Variants in SLC35F3 observed in about 807,000 individuals in gnomAD.
SLC35F3 encodes the protein putative thiamine transporter SLC35F3.
SLC35F3 carries 25 observed loss-of-function variants against 49.9 expected under a neutral mutation model. That is an observed-to-expected ratio of 0.50 (90% confidence interval 0.37 to 0.70). The LOEUF (loss-of-function observed/expected upper bound fraction) is 0.70. SLC35F3 is among the 30% of genes least tolerant of loss of function. The pLI is 0.00. For missense variants in SLC35F3, 525 were observed against 639.8 expected (o/e 0.82, Z 1.94); for synonymous variants, 275 against 265.4 (o/e 1.04, Z -0.35).
chr1:233,971,772 A>G (rs1401029529), intron 2 of SLC35F3, among the ~76,000 whole-genome samples: 1 of 151,830 alleles, frequency 6.6e-6, no homozygotes, highest in African/African-American at 2.4e-5. Context: ...CTTGTGGTCA[A>G]CAATGGGACC....
At chr1:234,170,869 C>T (rs552323965) in intron 2 of SLC35F3, among the ~76,000 whole-genome samples, 11 of 152,288 alleles carry the variant, frequency 7.2e-5, no homozygotes, top group East Asian at 3.9e-4. Flanking sequence ...GCCGTGGGGA[C>T]AGTCGGCCCC....
At chr1:234,206,450 C>A (rs902758223) in intron 2 of SLC35F3, among the ~76,000 whole-genome samples, 1 of 137,646 alleles carries the variant, frequency 7.3e-6, no homozygotes, top group East Asian at 2.2e-4. Flanking sequence ...GCAGGACTTT[C>A]CTGGTTCCTG....
chr1:234,001,745 A>T (rs990282775), intron 2 of SLC35F3, among the ~76,000 whole-genome samples: 25 of 152,330 alleles, frequency 1.6e-4, no homozygotes, highest in African/African-American at 5.8e-4. Context: ...AGCAAGGAAG[A>T]GGGCAAAACC....
In SLC35F3 at chr1:234,026,296, G is replaced by A. The variant is rs1459932589; in HGVS notation, c.283+120538G>A. Among the ~76,000 whole-genome samples, 3 of 152,134 alleles carry A rather than the reference G, an allele frequency of 2.0e-5. No homozygotes were observed. In the East Asian group the frequency reaches 5.8e-4, roughly 29 times the overall value. ...GCTATTTGGGCTCTTCTTTGGTTCA[G>A]TATGAATTTTAGAATAGTTTTTTAT... On this transcript the variant is annotated intron_variant, in intron 2 of 7. Transcript: ENST00000366618.
At chr1:234,292,287 A>G (rs564242586) in intron 3 of SLC35F3, among the ~76,000 whole-genome samples, 7 of 152,294 alleles carry the variant, frequency 4.6e-5, no homozygotes, top group African/African-American at 1.7e-4. Flanking sequence ...GTGGCCCTCT[A>G]CAGATCAGCA....
intron 2 of SLC35F3, among the ~76,000 whole-genome samples, chr1:234,103,049 A>G (rs953310090): frequency 3.3e-5 from 5 of 152,220 alleles, no homozygotes; most frequent in African/African-American, 1.2e-4. Context: ...ACCATAAAAT[A>G]TGTGTATAAG....
intron 2 of SLC35F3, among the ~76,000 whole-genome samples, chr1:234,202,537 G>A (rs1666914267): frequency 6.6e-6 from 1 of 152,258 alleles, no homozygotes; most frequent in Admixed American, 6.5e-5. Context: ...TGCGCCCTGA[G>A]GCTGATGCCT....
At chr1:234,022,767 C>T (rs771120116) in intron 2 of SLC35F3, among the ~76,000 whole-genome samples, 31 of 152,254 alleles carry the variant, frequency 2.0e-4, no homozygotes, top group Non-Finnish European at 4.1e-4. Context: ...CTACTGTATA[C>T]AGCATGTTCC....
At chr1:234,093,144 C>A (rs1303273485) in intron 2 of SLC35F3, among the ~76,000 whole-genome samples, 2 of 152,178 alleles carry the variant, frequency 1.3e-5, no homozygotes, top group Non-Finnish European at 2.9e-5. Context: ...TTGTATATAT[C>A]AGCTCTGGTA....
intron 2 of SLC35F3, among the ~76,000 whole-genome samples, chr1:233,939,155 T>C (rs962902823): frequency 1.4e-4 from 21 of 152,216 alleles, no homozygotes; most frequent in African/African-American, 5.1e-4. Context: ...GATACTGGTA[T>C]AGTTAAGTAT....
intron 2 of SLC35F3, among the ~76,000 whole-genome samples, chr1:233,986,550 C>A (rs946220991): frequency 6.6e-6 from 1 of 151,994 alleles, no homozygotes; most frequent in African/African-American, 2.4e-5. Flanking sequence ...ACTATTATAG[C>A]CAAGCTAATA....
At chr1:234,068,823 T>TTATATATATA (rs10645395) in intron 2 of SLC35F3, among the ~76,000 whole-genome samples, 5,237 of 71,048 alleles carry the variant, frequency 0.074, 1,097 homozygotes, top group South Asian at 0.091. Context: ...ATTTGAGACA[T>TTATATATATA]TATATATATA....
intron 2 of SLC35F3, among the ~76,000 whole-genome samples, chr1:234,186,537 C>T (rs1264412531): frequency 1.3e-5 from 2 of 152,128 alleles, no homozygotes; most frequent in Non-Finnish European, 2.9e-5. Context: ...CCTAGGCCAA[C>T]CTGGCACCTC....
chr1:234,303,972 G>C (rs615252), intron 3 of SLC35F3, among the ~76,000 whole-genome samples: 93,953 of 150,752 alleles, frequency 0.62, 29,382 homozygotes, highest in Middle Eastern at 0.78. Context: ...TTTGATATTA[G>C]ACTTTCTGGT....
intron 3 of SLC35F3, among the ~76,000 whole-genome samples, chr1:234,305,094 G>A (rs1390819920): frequency 6.6e-6 from 1 of 152,192 alleles, no homozygotes; most frequent in East Asian, 1.9e-4. Flanking sequence ...CTAGAATTGT[G>A]GGAATGGCAA....
intron 2 of SLC35F3, among the ~76,000 whole-genome samples, chr1:233,940,395 G>C (rs1002114724): frequency 7.1e-6 from 1 of 140,480 alleles, no homozygotes; most frequent in African/African-American, 2.6e-5. Context: ...GAGAGAGAGA[G>C]ATAGGAATAA....
chr1:234,323,483 T>C lies in SLC35F3; in HGVS notation c.*240T>C. The C allele has an allele frequency of 1.8e-6, 1 of 544,176 alleles. No individual in the cohort carries two copies. Among genetic ancestry groups the C allele is most frequent in the Non-Finnish European group, 3.3e-6 (1 of 305,068 alleles). 33.7% of individuals were successfully genotyped at this position (544,176 alleles called of 1,614,324 possible). A position where few individuals can be genotyped will look rare whatever the true frequency, so the allele number is the denominator to read the frequency against. On this transcript the variant is annotated 3_prime_UTR_variant, in exon 8 of 8. Coordinates refer to ENST00000366618, the MANE Select transcript of SLC35F3 (RefSeq NM_173508.4). The surrounding 1 kb of genome is among the most constrained non-coding windows in gnomAD (Gnocchi z 4.5). ...CAGTGCTTTTCCAACGAATGTAAAGTGGGTTTAAAAGTTCCCTGCGTAGAT... is the reference window on the plus strand; with the variant it reads ...CAGTGCTTTTCCAACGAATGTAAAGCGGGTTTAAAAGTTCCCTGCGTAGAT...
chr1:234,166,365 T>G (rs1666319480), intron 2 of SLC35F3, among the ~76,000 whole-genome samples: 1 of 152,228 alleles, frequency 6.6e-6, no homozygotes, highest in Non-Finnish European at 1.5e-5. Flanking sequence ...TCTTACTTGG[T>G]GTTGTACGTT....
At chr1:234,293,573 C>T (rs683909) in intron 3 of SLC35F3, among the ~76,000 whole-genome samples, 43,901 of 152,076 alleles carry the variant, frequency 0.29, 6,675 homozygotes, top group African/African-American at 0.38. Context: ...TCAGCATGTG[C>T]CATGGAAATC....
Sources: allele counts gnomAD v4.1 joint callset (sites outside exome capture counted in the v4.1 genomes callset), GRCh38; gene constraint gnomAD v4.1.1; non-coding constraint Gnocchi (gnomAD v3.1); transcripts MANE v1.5; gene names NCBI Gene and HGNC (gene_info 2026-07-23, HGNC 2026-07-21).